The following KLHL12 variants were observed in gnomAD, a reference collection of about 807,000 sequenced individuals.
KLHL12 encodes the protein kelch like family member 12, also known as kelch-like protein 12.
In KLHL12, 17 loss-of-function variants were observed where a neutral mutation model predicts 60.8. The observed-to-expected ratio is 0.28, with a 90% confidence interval of 0.19 to 0.42. The LOEUF (loss-of-function observed/expected upper bound fraction) is 0.42. Among genes scored for constraint, KLHL12 ranks in the 10% least tolerant of loss-of-function variants. The pLI, the probability that KLHL12 is intolerant of heterozygous loss-of-function variation, is 1.00. For missense variants in KLHL12, 468 were observed against 722.3 expected, an observed-to-expected ratio of 0.65 and a Z score of 4.04; for synonymous variants, 220 against 250.9, an observed-to-expected ratio of 0.88 and a Z score of 1.16.
chr1:202,914,257 A>C (rs775369295), intron 4 of KLHL12, among the ~76,000 whole-genome samples: 1 of 152,206 alleles, frequency 6.6e-6, no homozygotes, highest in Non-Finnish European at 1.5e-5. Flanking sequence ...TAAAGGGCCA[A>C]GAGCTAGAAG....
At chr1:202,903,585 A>ACTTCAG (rs1291157192) in intron 6 of KLHL12, among the ~76,000 whole-genome samples, 1 of 132,228 alleles carries the variant, frequency 7.6e-6, no homozygotes, top group Non-Finnish European at 1.6e-5. Context: ...CTAGCCTCCC[A>ACTTCAG]CTTCAGCTTC....
intron 4 of KLHL12, among the ~76,000 whole-genome samples, chr1:202,916,874 T>C (rs2102447438): frequency 6.6e-6 from 1 of 150,490 alleles, no homozygotes; most frequent in African/African-American, 2.4e-5. Context: ...CACAGGAGGA[T>C]GAGGTGGGAG....
chr1:202,906,268 C>T (rs948908800), intron 6 of KLHL12, among the ~76,000 whole-genome samples: 10 of 149,728 alleles, frequency 6.7e-5, no homozygotes, highest in Non-Finnish European at 1.2e-4. Context: ...GCCTGGCCAA[C>T]GTGGTGAAAC....
At chr1:202,903,244 C>T (rs1347702992) in intron 6 of KLHL12, among the ~76,000 whole-genome samples, 1 of 150,366 alleles carries the variant, frequency 6.7e-6, no homozygotes, top group Admixed American at 6.7e-5. Context: ...CCCACCAACA[C>T]TATAAAGGTG....
chr1:202,895,707 C>T lies in KLHL12; in HGVS notation c.950G>A (p.Arg317His), dbSNP rs1265984782. ...CACTGAGGCCACATAACGTCTCTTA[C>T]GAGTGATGCTCTATGGATTTGGAGA... ...QEWSFLPSIT[R>H]KRRYVASVSL... The change falls in exon 8 of 12, where the codon CGT (arginine) becomes CAT (histidine). Residue 317 changes from arginine to histidine, a missense_variant. Physicochemically the swap from Arg to His is conservative, Grantham distance 29. Transcript: ENST00000367261. This position sits in a 1 kb window ranked among gnomAD's most constrained non-coding sequence, Gnocchi z 4.2. The T allele has an allele frequency of 6.2e-7, 1 of 1,613,738 alleles. No individual in the cohort carries two copies. The highest frequency in any genetic ancestry group is 1.7e-5 in the Admixed American group (1 of 60,006).
chr1:202,907,900 CT>C (rs1442519855), intron 6 of KLHL12, among the ~76,000 whole-genome samples: 2 of 151,808 alleles, frequency 1.3e-5, no homozygotes, highest in African/African-American at 4.8e-5. Flanking sequence ...ATAGTGAGAC[CT>C]CATTTCTATT....
chr1:202,922,644 G>A (rs576624765), intron 2 of KLHL12, among the ~76,000 whole-genome samples: 61 of 151,552 alleles, frequency 4.0e-4, no homozygotes, highest in Non-Finnish European at 7.2e-4. Context: ...CCGCCACCAC[G>A]CACGGCTAAT....
upstream of KLHL12, among the ~76,000 whole-genome samples, chr1:202,927,674 TA>T (rs748842460): frequency 0.23 from 17,308 of 75,092 alleles, 1,457 homozygotes; most frequent in East Asian, 0.43. Flanking sequence ...TGAGACCCTG[TA>T]AAAAAAAAAA....
At chr1:202,910,273 G>A (rs1660314945) in intron 5 of KLHL12, among the ~76,000 whole-genome samples, 1 of 152,200 alleles carries the variant, frequency 6.6e-6, no homozygotes, top group Admixed American at 6.5e-5. Context: ...TCAGGCCCGA[G>A]TCTGGTTCCA....
chr1:202,897,237 T>C (rs959831563), intron 6 of KLHL12, among the ~76,000 whole-genome samples: 4 of 145,420 alleles, frequency 2.8e-5, no homozygotes, highest in South Asian at 2.3e-4. Flanking sequence ...TCTTTTTTTT[T>C]TTTTTTTTTT....
At chr1:202,928,492 T>G (rs1246791965), upstream of KLHL12, 16 of 1,303,432 alleles carry the variant, frequency 1.2e-5, no homozygotes, top group Non-Finnish European at 1.6e-5. Context: ...TTCCAGGTAC[T>G]GAGGAACTTT....
At chr1:202,928,510 C>T (rs754118094), upstream of KLHL12, 2 of 1,304,262 alleles carry the variant, frequency 1.5e-6, no homozygotes, top group South Asian at 2.5e-5. Context: ...TTTTTGACAT[C>T]GAGAAAACCC....
At chr1:202,902,344 C>A (rs573600040) in intron 6 of KLHL12, among the ~76,000 whole-genome samples, 1 of 151,754 alleles carries the variant, frequency 6.6e-6, no homozygotes, top group Non-Finnish European at 1.5e-5. Context: ...GCAGGAGAAT[C>A]GCTTGAACTT....
rs1659742847 is a variant in KLHL12, at chr1:202,893,632, A to C, written c.1394-207T>G. 6.6e-6 allele frequency among the ~76,000 whole-genome samples: 1 copy of C among 152,266 alleles called. No individual in the cohort carries two copies. Among genetic ancestry groups the C allele is most frequent in the Non-Finnish European group, 1.5e-5 (1 of 68,048 alleles). Reference sequence around the variant, plus strand: ...CTTGGACTTGAAATGATAAAAGATAAATAATAAAAATGGTTCTCTTCTTTA... The same window carrying C: ...CTTGGACTTGAAATGATAAAAGATACATAATAAAAATGGTTCTCTTCTTTA... On this transcript the variant is annotated intron_variant, in intron 10 of 11. Coordinates refer to ENST00000367261, the MANE Select transcript of KLHL12 (RefSeq NM_021633.4). The surrounding 1 kb of genome is among the most constrained non-coding windows in gnomAD (Gnocchi z 4.1).
intron 6 of KLHL12, among the ~76,000 whole-genome samples, chr1:202,897,595 C>T (rs1270207450): frequency 6.6e-6 from 1 of 151,702 alleles, no homozygotes; most frequent in Non-Finnish European, 1.5e-5. Flanking sequence ...CAGGTGAGAG[C>T]CTAAAGGCAC....
At chr1:202,907,930 C>T (rs781225987) in intron 6 of KLHL12, among the ~76,000 whole-genome samples, 15 of 151,826 alleles carry the variant, frequency 9.9e-5, no homozygotes, top group Admixed American at 5.9e-4. Context: ...TAAAATATAG[C>T]GGATAAATCA....
In KLHL12 at chr1:202,925,196, T is replaced by C; in HGVS notation, c.-34A>G. Reference sequence around the variant, plus strand: ...GCGGAGAAAGAACAAAATGGGTCCTTGGATTCTGCAACTACAAGAGGGAAA... The same window carrying C: ...GCGGAGAAAGAACAAAATGGGTCCTCGGATTCTGCAACTACAAGAGGGAAA... On this transcript the variant is annotated 5_prime_UTR_variant, in exon 2 of 12. Coordinates refer to ENST00000367261, the MANE Select transcript of KLHL12 (RefSeq NM_021633.4). 1 of 1,612,394 alleles carries C rather than the reference T, an allele frequency of 6.2e-7. No individual in the cohort carries two copies. Among genetic ancestry groups the C allele is most frequent in the Non-Finnish European group, 8.5e-7 (1 of 1,179,402 alleles).
chr1:202,903,992 GTATC>G (rs566027420), intron 6 of KLHL12, among the ~76,000 whole-genome samples: 2,229 of 141,576 alleles, frequency 0.016, 46 homozygotes, highest in African/African-American at 0.055. Flanking sequence ...ATCTATCTAT[GTATC>G]TATCTATCTA....
chr1:202,901,213 A>G (rs1052292800), intron 6 of KLHL12, among the ~76,000 whole-genome samples: 1 of 152,184 alleles, frequency 6.6e-6, no homozygotes, highest in South Asian at 2.1e-4. Flanking sequence ...TCTGGTAACT[A>G]TATGTCTACA....
Sources: allele counts gnomAD v4.1 joint callset (sites outside exome capture counted in the v4.1 genomes callset), GRCh38; gene constraint gnomAD v4.1.1; non-coding constraint Gnocchi (gnomAD v3.1); transcripts MANE v1.5; gene names NCBI Gene and HGNC (gene_info 2026-07-23, HGNC 2026-07-21).